Variants in MEGF11 observed in about 807,000 individuals in gnomAD.
The protein encoded by MEGF11 is multiple epidermal growth factor-like domains protein 11.
MEGF11 carries 126 observed loss-of-function variants against 146.6 expected under a neutral mutation model. That is an observed-to-expected ratio of 0.86 (90% CI 0.74 to 1.00). MEGF11 has a LOEUF of 1.00. Ranked by LOEUF, MEGF11 falls within the 50% of genes least tolerant of loss-of-function variation. The pLI is 0.00. For missense variants in MEGF11, 1,509 were observed against 1,521.2 expected, an observed-to-expected ratio of 0.99 and a Z score of 0.13; for synonymous variants, 532 against 583.4, an observed-to-expected ratio of 0.91 and a Z score of 1.27.
intron 5 of MEGF11, among the ~76,000 whole-genome samples, chr15:66,054,243 A>G (rs1003381586): frequency 6.6e-6 from 1 of 152,178 alleles, no homozygotes; most frequent in Non-Finnish European, 1.5e-5. Context: ...ACTGGCTGGC[A>G]GTCCACCCTG....
At chr15:66,068,396 C>G (rs1432874294) in intron 5 of MEGF11, among the ~76,000 whole-genome samples, 1 of 152,220 alleles carries the variant, frequency 6.6e-6, no homozygotes, top group African/African-American at 2.4e-5. Flanking sequence ...TACGACCCAC[C>G]ACATACCAAT....
In MEGF11 at chr15:65,975,932, G is replaced by T. The variant is rs182077887; in HGVS notation, c.762+4846C>A. ...CTGCTGGCTGGAAGAACAGCCTTTT[G>T]GGGAGAGGCAGGGGGAGAGAGCAGC... On this transcript the variant is annotated intron_variant, in intron 7 of 25. Transcript: ENST00000395614. Among the ~76,000 whole-genome samples, 869 of 152,200 alleles carry T rather than the reference G, an allele frequency of 5.7e-3. 4 individuals carry two copies. Among genetic ancestry groups the T allele is most frequent in the Non-Finnish European group, 9.3e-3 (632 of 68,008 alleles).
chr15:66,242,645 C>T (rs1035545305), intron 1 of MEGF11, among the ~76,000 whole-genome samples: 4 of 152,004 alleles, frequency 2.6e-5, no homozygotes, highest in African/African-American at 9.7e-5. Context: ...AGCAAGAGAC[C>T]CAACTCTTGA....
At chr15:66,038,840 C>T (rs748094197) in intron 5 of MEGF11, among the ~76,000 whole-genome samples, 2 of 152,138 alleles carry the variant, frequency 1.3e-5, no homozygotes, top group Middle Eastern at 3.2e-3. Flanking sequence ...GCATCTGTGC[C>T]GAGCAGCACC....
At chr15:66,220,232 G>A (rs758155989) in intron 1 of MEGF11, among the ~76,000 whole-genome samples, 23 of 151,918 alleles carry the variant, frequency 1.5e-4, no homozygotes, top group African/African-American at 5.1e-4. Flanking sequence ...AATTTCTGTC[G>A]TTTTAAGAAC....
chr15:66,119,279 A>G, intron 3 of MEGF11, 93 bp from the exon 4 acceptor site: 2 of 838,192 alleles, frequency 2.4e-6, no homozygotes. Flanking sequence ...TGAGGATGCC[A>G]TTCAATAATT....
intron 1 of MEGF11, among the ~76,000 whole-genome samples, chr15:66,130,826 A>G (rs2088617977): frequency 6.6e-6 from 1 of 152,046 alleles, no homozygotes; most frequent in African/African-American, 2.4e-5. Flanking sequence ...CATGGGGGCA[A>G]CTCATCCCCA....
chr15:65,915,397 C>T (rs986177631), intron 19 of MEGF11, 73 bp downstream of exon 19: 26 of 1,550,186 alleles, frequency 1.7e-5, no homozygotes, highest in East Asian at 2.3e-5. Flanking sequence ...TCCAGCTGTT[C>T]GAGTTGGAAT....
chr15:66,159,481 A>C (rs1347040062), intron 1 of MEGF11, among the ~76,000 whole-genome samples: 2 of 152,174 alleles, frequency 1.3e-5, no homozygotes, highest in East Asian at 3.8e-4. Context: ...TTGGAGAGGA[A>C]ATCCTTTGAG....
intron 15 of MEGF11, among the ~76,000 whole-genome samples, chr15:65,920,805 T>C (rs1354846446): frequency 6.6e-6 from 1 of 152,252 alleles, no homozygotes; most frequent in Non-Finnish European, 1.5e-5. Flanking sequence ...ACCAGGGCAG[T>C]TGCCATTAAT....
At chr15:66,125,007 T>C (rs1244154910) in intron 2 of MEGF11, among the ~76,000 whole-genome samples, 4 of 152,252 alleles carry the variant, frequency 2.6e-5, no homozygotes, top group Non-Finnish European at 4.4e-5. Context: ...GTAAAGCACG[T>C]CTGCCTTGCC....
chr15:66,170,746 G>T (rs1003514813), intron 1 of MEGF11, among the ~76,000 whole-genome samples: 1 of 152,104 alleles, frequency 6.6e-6, no homozygotes, highest in Non-Finnish European at 1.5e-5. Context: ...CTGTGAGGTG[G>T]GCTGCTGAAG....
At chr15:66,091,562 G>A (rs377756916) in intron 5 of MEGF11, among the ~76,000 whole-genome samples, 1 of 152,228 alleles carries the variant, frequency 6.6e-6, no homozygotes, top group African/African-American at 2.4e-5. Context: ...AACTAACTGT[G>A]TCTGCTGGAA....
intron 5 of MEGF11, among the ~76,000 whole-genome samples, chr15:66,093,205 C>A (rs560721779): frequency 1.3e-5 from 2 of 152,304 alleles, no homozygotes; most frequent in East Asian, 3.9e-4. Flanking sequence ...AAGATAATCA[C>A]CCAGGCTCAA....
chr15:65,957,626 C>A lies in MEGF11; in HGVS notation c.1208G>T (p.Cys403Phe). ...ATTCTGACAGGTGCAAGGCAGCTGGCAGCCATCGCCATAGTAGCCAACAGG... is the reference window on the plus strand; with the variant it reads ...ATTCTGACAGGTGCAAGGCAGCTGGAAGCCATCGCCATAGTAGCCAACAGG... ...SCPVGYYGDG[C>F]QLPCTCQNGA... is the part of the protein sequence containing the mutation. The change falls in exon 10 of 26, where the codon TGC (cysteine) becomes TTC (phenylalanine). Residue 403 changes from cysteine to phenylalanine, a missense_variant. Cys to Phe is a radical substitution (Grantham distance 205). Transcript: ENST00000395614. The A allele has an allele frequency of 6.2e-7, 1 of 1,613,950 alleles. No individual in the cohort carries two copies. Among genetic ancestry groups the A allele is most frequent in the Non-Finnish European group, 8.5e-7 (1 of 1,179,894 alleles).
At chr15:66,225,258 C>A (rs1182031964) in intron 1 of MEGF11, among the ~76,000 whole-genome samples, 1 of 152,258 alleles carries the variant, frequency 6.6e-6, no homozygotes, top group African/African-American at 2.4e-5. Context: ...CATTTCCCAT[C>A]CTGGGGAAGA....
intron 1 of MEGF11, among the ~76,000 whole-genome samples, chr15:66,211,326 A>C (rs1207234145): frequency 2.0e-5 from 3 of 152,176 alleles, no homozygotes; most frequent in Admixed American, 2.0e-4. Flanking sequence ...GATCGAGACC[A>C]TCTTGGCTAA....
intron 9 of MEGF11, among the ~76,000 whole-genome samples, chr15:65,961,534 G>A (rs552197702): frequency 4.6e-5 from 7 of 152,132 alleles, no homozygotes; most frequent in African/African-American, 1.7e-4. Flanking sequence ...CTGACACACA[G>A]GTGCTTTCTC....
At chr15:66,051,056 A>G (rs2084427615) in intron 5 of MEGF11, among the ~76,000 whole-genome samples, 1 of 152,260 alleles carries the variant, frequency 6.6e-6, no homozygotes, top group South Asian at 2.1e-4. Context: ...ATGAGCCCCA[A>G]AGGACAATCA....
Sources: allele counts gnomAD v4.1 joint callset (sites outside exome capture counted in the v4.1 genomes callset), GRCh38; gene constraint gnomAD v4.1.1; transcripts MANE v1.5; gene names NCBI Gene and HGNC (gene_info 2026-07-23, HGNC 2026-07-21).